Variants in FBXL19 observed in about 807,000 individuals in gnomAD.
FBXL19 encodes F-box/LRR-repeat protein 19.
A neutral mutation model predicts 71.2 loss-of-function variants in FBXL19; 16 were observed. The ratio of observed to expected loss-of-function variants is 0.22; its 90% CI spans 0.15 to 0.34. The LOEUF is 0.34. FBXL19 is among the 10% of genes least tolerant of loss of function. The pLI is 1.00. For synonymous variants in FBXL19, 447 were observed against 409.4 expected (o/e 1.09, Z -1.11); for missense variants, 658 against 968.2 (o/e 0.68, Z 4.25).
In FBXL19 at chr16:30,946,687, A is replaced by T. The variant is rs780330547; in HGVS notation, c.1628-43A>T. On this transcript the variant is annotated intron_variant, in intron 9 of 10. Coordinates refer to ENST00000338343, the MANE Select transcript of FBXL19 (RefSeq NM_001382779.1). The surrounding 1 kb of genome is among the most constrained non-coding windows in gnomAD (Gnocchi z 6.7). ...ATGGTCTGGATACCTGGGCGCAGGG[A>T]TGGGAGTGGCCAGGAGTGCTGACCT... 3.2e-6 allele frequency: 5 copies of T among 1,567,636 alleles called. No homozygotes were observed. Among genetic ancestry groups the T allele is most frequent in the African/African-American group, 2.7e-5 (2 of 74,064 alleles).
intron 7 of FBXL19, among the ~76,000 whole-genome samples, chr16:30,936,512 G>T (rs536275484): frequency 5.4e-5 from 8 of 147,362 alleles, no homozygotes; most frequent in Admixed American, 2.1e-4. Flanking sequence ...TGCAAGCTCC[G>T]CCTCCCGGAT....
chr16:30,942,024 C>A lies in FBXL19; in HGVS notation c.1302-92C>A. 7.3e-7 allele frequency: 1 copy of A among 1,374,664 alleles called. No individual in the cohort carries two copies. Among genetic ancestry groups the A allele is most frequent in the Non-Finnish European group, 9.6e-7 (1 of 1,042,074 alleles). The allele number at this position is 1,374,664 out of a possible 1,614,324, so 85.2% of individuals were successfully genotyped here. A position where few individuals can be genotyped will look rare whatever the true frequency, so the allele number is the denominator to read the frequency against. On this transcript the variant is annotated intron_variant, in intron 7 of 10. Transcript: ENST00000338343. This position sits in a 1 kb window ranked among gnomAD's most constrained non-coding sequence, Gnocchi z 5.7. ...TGTTGTCTGTGTGGCCAGAAGAGAGCTGGGGTGCACCCTTGGAGCTGGGGA... is the reference window on the plus strand; with the variant it reads ...TGTTGTCTGTGTGGCCAGAAGAGAGATGGGGTGCACCCTTGGAGCTGGGGA...
chr16:30,926,176 C>A (rs2055587889), intron 2 of FBXL19, among the ~76,000 whole-genome samples: 1 of 152,188 alleles, frequency 6.6e-6, no homozygotes, highest in African/African-American at 2.4e-5. Context: ...CTCTCAGAGT[C>A]ACACCCCCGC....
chr16:30,941,747 T>C (rs1172875119), intron 7 of FBXL19, among the ~76,000 whole-genome samples: 2 of 152,200 alleles, frequency 1.3e-5, no homozygotes, highest in South Asian at 2.1e-4. Flanking sequence ...TCAGGCAGCA[T>C]GCGTGGCATT....
chr16:30,929,620 G>A (rs1256420964), intron 6 of FBXL19, among the ~76,000 whole-genome samples: 1 of 152,130 alleles, frequency 6.6e-6, no homozygotes, highest in East Asian at 1.9e-4. Flanking sequence ...GTGCAGTGGC[G>A]TGATCTCGGC....
chr16:30,923,861 C>T lies in FBXL19; in HGVS notation c.-623C>T, dbSNP rs1306963218. ...GCGGGGCCGGAGCAGCTTCCTTCAC[C>T]TCCCCCTCCGCTCGCCTCGCAGCCG... On this transcript the variant is annotated 5_prime_UTR_variant, in exon 1 of 11. Coordinates refer to ENST00000338343, the MANE Select transcript of FBXL19 (RefSeq NM_001382779.1). 2.0e-5 allele frequency among the ~76,000 whole-genome samples: 3 copies of T among 151,404 alleles called. No homozygotes were observed. Among genetic ancestry groups the T allele is most frequent in the Admixed American group, 6.5e-5 (1 of 15,284 alleles).
chr16:30,946,677 G>A lies in FBXL19; in HGVS notation c.1628-53G>A. ...TGGAGGGCAGATGGTCTGGATACCT[G>A]GGCGCAGGGATGGGAGTGGCCAGGA... On this transcript the variant is annotated intron_variant, in intron 9 of 10. Transcript: ENST00000338343. The surrounding 1 kb of genome is among the most constrained non-coding windows in gnomAD (Gnocchi z 6.7). 6.5e-7 allele frequency: 1 copy of A among 1,530,580 alleles called. No homozygotes were observed. Among genetic ancestry groups the A allele is most frequent in the Non-Finnish European group, 8.9e-7 (1 of 1,128,988 alleles). 94.8% of individuals were successfully genotyped at this position (1,530,580 alleles called of 1,614,324 possible).
intron 7 of FBXL19, among the ~76,000 whole-genome samples, chr16:30,936,608 T>C (rs1393649950): frequency 1.3e-5 from 2 of 148,724 alleles, no homozygotes; most frequent in East Asian, 1.9e-4. Flanking sequence ...TTTCTTTTTT[T>C]TTTTTTTTTT....
At chr16:30,936,601 CTTTTTT>C (rs547272418) in intron 7 of FBXL19, among the ~76,000 whole-genome samples, 12 of 118,170 alleles carry the variant, frequency 1.0e-4, no homozygotes, top group African/African-American at 2.9e-4. Flanking sequence ...AATTTTTTTT[CTTTTTT>C]TTTTTTTTTT....
At chr16:30,937,540 T>C (rs1413927325) in intron 7 of FBXL19, among the ~76,000 whole-genome samples, 1 of 152,052 alleles carries the variant, frequency 6.6e-6, no homozygotes, top group Non-Finnish European at 1.5e-5. Flanking sequence ...GGGCCCTCAG[T>C]GACTGTTGGT....
chr16:30,931,508 A>C (rs2055673613), intron 7 of FBXL19, among the ~76,000 whole-genome samples: 1 of 152,146 alleles, frequency 6.6e-6, no homozygotes. Context: ...CCTGTTGGGC[A>C]CTGCACCAAG....
rs567839943 is a variant in FBXL19 at position 30,945,090 on chromosome 16, A to C, written c.1628-1640A>C. ...GTCCTTTTTGTAGTGTTAGTCATTA[A>C]GGAAGTTTTTAGCATTCTGTAGACT... On this transcript the variant is annotated intron_variant, in intron 9 of 10. Transcript: ENST00000338343. Among the ~76,000 whole-genome samples, 8 of 152,362 alleles carry C rather than the reference A, an allele frequency of 5.3e-5. No homozygotes were observed. In the East Asian group the frequency reaches 1.3e-3, roughly 26 times the overall value.
chr16:30,933,649 C>T (rs1231643502), intron 7 of FBXL19, among the ~76,000 whole-genome samples: 1 of 150,946 alleles, frequency 6.6e-6, no homozygotes, highest in Non-Finnish European at 1.5e-5. Context: ...ACCAGGGGCT[C>T]GCTGTTACCC....
upstream of FBXL19, among the ~76,000 whole-genome samples, chr16:30,923,546 G>A (rs2055550245): frequency 6.9e-6 from 1 of 144,440 alleles, no homozygotes; most frequent in African/African-American, 2.6e-5. Context: ...GAGGAGGGAA[G>A]GAGGAGGGAG....
At position 30,930,016 on chromosome 16, in the gene FBXL19, G is replaced by A. The variant is rs561099680; in HGVS notation, c.790-57G>A. Reference sequence around the variant, plus strand: ...ATCCCCTGGTGACTCCTCGGGGTAGGGGGGTGGGAAAATGTATCCCAGGCC... The same window carrying A: ...ATCCCCTGGTGACTCCTCGGGGTAGAGGGGTGGGAAAATGTATCCCAGGCC... On this transcript the variant is annotated intron_variant, in intron 6 of 10. Transcript: ENST00000338343. This position sits in a 1 kb window ranked among gnomAD's most constrained non-coding sequence, Gnocchi z 8.5. The A allele has an allele frequency of 1.3e-6, 2 of 1,562,856 alleles. No individual in the cohort carries two copies. Among genetic ancestry groups the A allele is most frequent in the African/African-American group, 1.4e-5 (1 of 73,936 alleles).
At chr16:30,927,188 G>T in intron 2 of FBXL19, 120 bp from the exon 3 acceptor site, 3 of 1,034,724 alleles carry the variant, frequency 2.9e-6, no homozygotes, top group East Asian at 2.7e-5. Context: ...CTCAGGATCA[G>T]ACCCAGCTTG....
Position 30,942,081 on chromosome 16 carries a change from G to T in FBXL19, c.1302-35G>T. ...GAACTGTGGGCTGCTGAGAGCTGAG[G>T]GCTGAGGTCTCTGTCTCCCCCCTAT... is the stretch of plus-strand genomic sequence containing the variant. On this transcript the variant is annotated intron_variant, in intron 7 of 10. Transcript: ENST00000338343. This position sits in a 1 kb window ranked among gnomAD's most constrained non-coding sequence, Gnocchi z 5.7. 6.6e-7 allele frequency: 1 copy of T among 1,511,050 alleles called. No homozygotes were observed. The allele number at this position is 1,511,050 out of a possible 1,614,324, so 93.6% of individuals were successfully genotyped here.
At chr16:30,935,170 T>C (rs879227382) in intron 7 of FBXL19, among the ~76,000 whole-genome samples, 3 of 152,266 alleles carry the variant, frequency 2.0e-5, no homozygotes, top group African/African-American at 7.2e-5. Flanking sequence ...CAAAGCCAGA[T>C]TGAATGGAGT....
chr16:30,942,502 G>A lies in FBXL19; in HGVS notation c.1593G>A (p.Arg531=). The change falls in exon 9 of 11, where the codon CGG becomes CGA. Residue 531 remains arginine, a synonymous_variant. Transcript: ENST00000338343. This position sits in a 1 kb window ranked among gnomAD's most constrained non-coding sequence, Gnocchi z 5.7. ...WIEDVKDSQL[R]ELLLPPPDTK... Reference sequence around the variant, plus strand: ...AGGATGTTAAAGACTCCCAGCTCCGGGAGTTGCTGCTGCCTCCACCAGACA... The same window carrying A: ...AGGATGTTAAAGACTCCCAGCTCCGAGAGTTGCTGCTGCCTCCACCAGACA... 6.3e-7 allele frequency: 1 copy of A among 1,595,544 alleles called. No homozygotes were observed. The highest frequency in any genetic ancestry group is 8.5e-7 in the Non-Finnish European group (1 of 1,171,482).
Sources: gnomAD v4.1 joint callset for allele counts (sites outside exome capture counted in the v4.1 genomes callset) on GRCh38, gnomAD v4.1.1 for gene constraint, Gnocchi (gnomAD v3.1) non-coding constraint, MANE v1.5 for transcripts, NCBI Gene and HGNC (gene_info 2026-07-23, HGNC 2026-07-21) for gene names.